CC2D2B: variants seen among roughly 807,000 people sequenced by gnomAD.
The protein encoded by CC2D2B is coiled-coil and C2 domain containing 2B, also known as protein CC2D2B.
In CC2D2B, 128 loss-of-function variants were observed where a neutral mutation model predicts 161.2. The observed-to-expected ratio is 0.79, with a 90% CI of 0.69 to 0.92. The LOEUF is 0.92. Ranked by LOEUF, CC2D2B falls within the 40% of genes least tolerant of loss-of-function variation. The probability of loss-of-function intolerance (pLI) is 0.00; values close to 1 mark genes in which losing one functional copy is unlikely to be tolerated. For synonymous variants in CC2D2B, 391 were observed against 449.8 expected (o/e 0.87, Z 1.65); for missense variants, 1,173 against 1,375.1 (o/e 0.85, Z 2.32).
At chr10:95,935,545 C>T (rs911156814) in intron 6 of CC2D2B, among the ~76,000 whole-genome samples, 1 of 150,244 alleles carries the variant, frequency 6.7e-6, no homozygotes, top group Non-Finnish European at 1.5e-5. Context: ...CAATAAAAGT[C>T]CTTACAGGGG....
At position 95,994,550 on chromosome 10, in the gene CC2D2B, A is replaced by T. The variant is rs535674110; in HGVS notation, c.2643-719A>T. Among the ~76,000 whole-genome samples the T allele has an allele frequency of 6.8e-4, 103 of 152,260 alleles. 1 individual carries two copies. The highest frequency in any genetic ancestry group is 2.3e-3 in the African/African-American group (94 of 41,548). ...CTTCCACAAGAAGCTGGTAGAGCAGAGTGTTCCCTGACTCCTCCAAGGAAA... is the reference window on the plus strand; with the variant it reads ...CTTCCACAAGAAGCTGGTAGAGCAGTGTGTTCCCTGACTCCTCCAAGGAAA... On this transcript the variant is annotated intron_variant, in intron 22 of 34. Transcript: ENST00000646931.
chr10:95,960,321 A>G (rs1386083349), intron 11 of CC2D2B, among the ~76,000 whole-genome samples: 1 of 152,188 alleles, frequency 6.6e-6, no homozygotes, highest in African/African-American at 2.4e-5. Context: ...AACATTTACA[A>G]TATACACCTG....
chr10:95,996,191 A>G lies in CC2D2B; in HGVS notation c.2788A>G (p.Lys930Glu). 1 of 1,520,346 alleles carries G rather than the reference A, an allele frequency of 6.6e-7. No individual in the cohort carries two copies. The highest frequency in any genetic ancestry group is 2.0e-5 in the Admixed American group (1 of 50,400). 94.2% of individuals were successfully genotyped at this position (1,520,346 alleles called of 1,614,324 possible). A position where few individuals can be genotyped will look rare whatever the true frequency, so the allele number is the denominator to read the frequency against. Residue 930 changes from lysine to glutamate, a missense_variant, in exon 24 of 35, where the codon AAA (lysine) becomes GAA (glutamate). By Grantham distance (56) the Lys-to-Glu change is moderately conservative. Coordinates refer to ENST00000646931, the MANE Select transcript of CC2D2B (RefSeq NM_001349008.3). The part of the protein sequence containing the change: ...VEVSFQHTVY[K>E]TNTASGSHPC... Reference sequence around the variant, plus strand: ...AGTTTCTTTCCAGCACACTGTATACAAAACCAATACAGCAAGTGGATCTCA... The same window carrying G: ...AGTTTCTTTCCAGCACACTGTATACGAAACCAATACAGCAAGTGGATCTCA...
At position 95,908,026 on chromosome 10, in the gene CC2D2B, C is replaced by T. The variant is rs543510567; in HGVS notation, c.-55C>T. 7 of 152,380 alleles carry T rather than the reference C, an allele frequency of 4.6e-5. No individual in the cohort carries two copies. The highest frequency in any genetic ancestry group is 1.7e-4 in the African/African-American group (7 of 41,560). The allele number at this position is 152,380 out of a possible 1,614,324, so 9.4% of individuals were successfully genotyped here. A position where few individuals can be genotyped will look rare whatever the true frequency, so the allele number is the denominator to read the frequency against. On this transcript the variant is annotated 5_prime_UTR_variant, in exon 1 of 35. Transcript: ENST00000646931. Reference sequence around the variant, plus strand: ...AGATGGTGCGCCCTGCCTTCCCTGCCCAGACGTAAGAAAAGTGCACTGTCC... The same window carrying T: ...AGATGGTGCGCCCTGCCTTCCCTGCTCAGACGTAAGAAAAGTGCACTGTCC...
At chr10:95,908,626 G>T (rs2098500387) in intron 1 of CC2D2B, among the ~76,000 whole-genome samples, 1 of 152,128 alleles carries the variant, frequency 6.6e-6, no homozygotes, top group African/African-American at 2.4e-5. Context: ...AGTGGTCAAT[G>T]TTGGAGAGTG....
In CC2D2B at chr10:96,032,044, G is replaced by C; in HGVS notation, c.*36G>C. On this transcript the variant is annotated 3_prime_UTR_variant, in exon 35 of 35. Transcript: ENST00000646931. ...GAGCAAAGTAAAAGATTGTACTATA[G>C]TCCTCTAGTACCAACAAAAACTTTT... The C allele has an allele frequency of 6.5e-7, 1 of 1,531,060 alleles. No individual in the cohort carries two copies. Among genetic ancestry groups the C allele is most frequent in the South Asian group, 1.1e-5 (1 of 87,370 alleles). The allele number at this position is 1,531,060 out of a possible 1,614,324, so 94.8% of individuals were successfully genotyped here. A position where few individuals can be genotyped will look rare whatever the true frequency, so the allele number is the denominator to read the frequency against.
In CC2D2B at chr10:96,012,855, T is replaced by G. The variant is rs1274313875; in HGVS notation, c.3426+126T>G. The G allele has an allele frequency of 4.6e-6, 3 of 648,400 alleles. No homozygotes were observed. The Admixed American group carries it at 8.1e-5, about 18-fold the overall frequency. 40.2% of individuals were successfully genotyped at this position (648,400 alleles called of 1,614,324 possible). ...CTGTCCTCAAAATATTTGTACTGTTTGTGAGTCATAAAGCTCCCTTAGCTG... is the reference window on the plus strand; with the variant it reads ...CTGTCCTCAAAATATTTGTACTGTTGGTGAGTCATAAAGCTCCCTTAGCTG... On this transcript the variant is annotated intron_variant, in intron 28 of 34. Coordinates refer to ENST00000646931, the MANE Select transcript of CC2D2B (RefSeq NM_001349008.3).
intron 9 of CC2D2B, among the ~76,000 whole-genome samples, chr10:95,939,374 T>A (rs2075942799): frequency 6.6e-6 from 1 of 152,182 alleles, no homozygotes; most frequent in Admixed American, 6.5e-5. Context: ...ATACCTTTAT[T>A]TATTAACCAT....
intron 26 of CC2D2B, among the ~76,000 whole-genome samples, chr10:96,011,689 G>A (rs541858621): frequency 3.3e-5 from 5 of 151,736 alleles, no homozygotes; most frequent in African/African-American, 1.2e-4. Context: ...TGGGACCACA[G>A]GTGTGCACCA....
intron 2 of CC2D2B, among the ~76,000 whole-genome samples, chr10:95,911,854 G>C (rs907383288): frequency 2.0e-5 from 3 of 152,164 alleles, no homozygotes; most frequent in African/African-American, 4.8e-5. Context: ...TGCCAGAATT[G>C]TTCCATCATA....
chr10:95,969,065 T>C (rs964088019), intron 15 of CC2D2B, among the ~76,000 whole-genome samples, 164 bp downstream of exon 15: 4 of 152,218 alleles, frequency 2.6e-5, no homozygotes, highest in African/African-American at 9.6e-5. Context: ...AATTCACCAC[T>C]AGTCTTTTAT....
At chr10:95,995,066 AT>A (rs1381263696) in intron 22 of CC2D2B, among the ~76,000 whole-genome samples, 1 of 152,196 alleles carries the variant, frequency 6.6e-6, no homozygotes, top group Non-Finnish European at 1.5e-5. Context: ...ATAGTTCAAT[AT>A]TTAGGAGTTG....
At position 96,013,777 on chromosome 10, in the gene CC2D2B, T is replaced by C. The variant is rs753384479; in HGVS notation, c.3427-11T>C. The C allele has an allele frequency of 4.5e-6, 7 of 1,552,540 alleles. No individual in the cohort carries two copies. The East Asian group carries it at 1.1e-4, about 25-fold the overall frequency. On this transcript the variant is annotated splice_polypyrimidine_tract_variant and intron_variant, in intron 28 of 34. Coordinates refer to ENST00000646931, the MANE Select transcript of CC2D2B (RefSeq NM_001349008.3). ...ACAGCACACACTCAATAAATGTGAA[T>C]ATTATTCTAGGACCTCATTGCTCGA...
chr10:95,939,976 A>G (rs1170956866), intron 9 of CC2D2B, among the ~76,000 whole-genome samples: 1 of 152,182 alleles, frequency 6.6e-6, no homozygotes, highest in Admixed American at 6.5e-5. Context: ...TTTATAAATA[A>G]AAGAGGTGTA....
At chr10:95,943,165 A>C (rs144653926) in intron 9 of CC2D2B, among the ~76,000 whole-genome samples, 64 of 152,270 alleles carry the variant, frequency 4.2e-4, no homozygotes, top group African/African-American at 1.5e-3. Flanking sequence ...GACCATCCAC[A>C]ATTGGAGTAG....
At chr10:95,919,100 T>A (rs1029362912) in intron 2 of CC2D2B, 1 of 152,284 alleles carries the variant, frequency 6.6e-6, no homozygotes, top group South Asian at 2.1e-4. Flanking sequence ...ATATTTCTGT[T>A]ACTCCAGAAT....
At chr10:96,011,822 A>G (rs925381864) in intron 26 of CC2D2B, among the ~76,000 whole-genome samples, 8 of 152,078 alleles carry the variant, frequency 5.3e-5, no homozygotes, top group Non-Finnish European at 2.9e-5. Flanking sequence ...TTGCTGTTAC[A>G]TATTTTCTCT....
At chr10:96,008,168 CT>C (rs56354333) in intron 25 of CC2D2B, among the ~76,000 whole-genome samples, 11 of 130,374 alleles carry the variant, frequency 8.4e-5, no homozygotes, top group Non-Finnish European at 1.1e-4. Context: ...GGTATGTGTT[CT>C]TTTTTTTTTT....
chr10:95,916,282 T>G (rs1202162205), intron 2 of CC2D2B, among the ~76,000 whole-genome samples: 5 of 152,082 alleles, frequency 3.3e-5, no homozygotes, highest in Non-Finnish European at 7.4e-5. Context: ...TTATTTGGGT[T>G]TTCTCTCTCT....
Sources: gnomAD v4.1 joint callset for allele counts (sites outside exome capture counted in the v4.1 genomes callset) on GRCh38, gnomAD v4.1.1 for gene constraint, MANE v1.5 for transcripts, NCBI Gene and HGNC (gene_info 2026-07-23, HGNC 2026-07-21) for gene names.